The following ROR1 variants were observed in gnomAD, a reference collection of about 807,000 sequenced individuals.
The protein encoded by ROR1 is inactive tyrosine-protein kinase transmembrane receptor ROR1.
In ROR1, 19 loss-of-function variants were observed where a neutral mutation model predicts 78.8. That is an observed-to-expected ratio of 0.24 (90% CI 0.17 to 0.35). ROR1 has a LOEUF of 0.35. Ranked by LOEUF, ROR1 falls within the 10% of genes least tolerant of loss-of-function variation. The probability of loss-of-function intolerance (pLI) is 1.00; values close to 1 mark genes in which losing one functional copy is unlikely to be tolerated. For missense variants in ROR1, 917 were observed against 1,177.8 expected, an observed-to-expected ratio of 0.78 and a Z score of 3.24; for synonymous variants, 386 against 433.6, an observed-to-expected ratio of 0.89 and a Z score of 1.36.
intron 4 of ROR1, among the ~76,000 whole-genome samples, chr1:64,091,111 T>C (rs1365173641): frequency 1.3e-5 from 2 of 152,134 alleles, no homozygotes; most frequent in Non-Finnish European, 1.5e-5. Flanking sequence ...TATCTCTTAA[T>C]CCCCAAACCC....
In ROR1 at chr1:64,016,733, T is replaced by TTTTATATATATATA. The variant is rs1553151714; in HGVS notation, c.163+7358_163+7359insTTATATATATATAT. 2.3e-3 allele frequency among the ~76,000 whole-genome samples: 328 copies of TTTTATATATATATA among 140,604 alleles called. 2 individuals are homozygous for TTTTATATATATATA. The highest frequency in any genetic ancestry group is 7.7e-3 in the Middle Eastern group (2 of 260). 92.2% of individuals were successfully genotyped at this position (140,604 alleles called of 152,430 possible). ...ATGTACCCTAGAACTTAAAATATAA[T>TTTTATATATATATA]TATATATATATATATAAAGATTTTA... On this transcript the variant is annotated intron_variant, in intron 2 of 8. Coordinates refer to ENST00000371079, the MANE Select transcript of ROR1 (RefSeq NM_005012.4).
In ROR1 at chr1:64,181,417, G is replaced by A. The variant is rs1409122079; in HGVS notation, c.*2562G>A. ...AGGCTATTTTATATTAAGGATATAT[G>A]CATTTGTATTTCACACACCAGAGAT... On this transcript the variant is annotated 3_prime_UTR_variant, in exon 9 of 9. Transcript: ENST00000371079. The A allele has an allele frequency of 6.6e-6, 1 of 152,090 alleles. No homozygotes were observed. Among genetic ancestry groups the A allele is most frequent in the Admixed American group, 6.5e-5 (1 of 15,278 alleles). The allele number at this position is 152,090 out of a possible 1,614,324, so 9.4% of individuals were successfully genotyped here. A position where few individuals can be genotyped will look rare whatever the true frequency, so the allele number is the denominator to read the frequency against.
chr1:64,038,866 T>C (rs1038229309), intron 2 of ROR1, among the ~76,000 whole-genome samples: 1 of 152,248 alleles, frequency 6.6e-6, no homozygotes, highest in Non-Finnish European at 1.5e-5. Context: ...GAAAAAGGCA[T>C]GGTCCCATCC....
chr1:63,974,660 T>G (rs1646143866), intron 1 of ROR1, among the ~76,000 whole-genome samples: 1 of 151,834 alleles, frequency 6.6e-6, no homozygotes, highest in South Asian at 2.1e-4. Flanking sequence ...TTTTTAGAGA[T>G]AGGATCTTGC....
intron 1 of ROR1, among the ~76,000 whole-genome samples, chr1:63,898,764 C>T (rs974729528): frequency 2.6e-5 from 4 of 151,866 alleles, no homozygotes; most frequent in Non-Finnish European, 5.9e-5. Context: ...AGTTGTGTGG[C>T]GCCGTACTCA....
chr1:64,008,956 T>C lies in ROR1; in HGVS notation c.92-349T>C, dbSNP rs181012432. Among the ~76,000 whole-genome samples, 629 of 152,332 alleles carry C rather than the reference T, an allele frequency of 4.1e-3. 2 individuals are homozygous for C. The highest frequency in any genetic ancestry group is 0.012 in the African/African-American group (502 of 41,580). On this transcript the variant is annotated intron_variant, in intron 1 of 8. Transcript: ENST00000371079. ...CGTGACTTTTTAATGATAGCCATTC[T>C]GACTAGTATGAGATGGCATCTCATT... is the stretch of plus-strand genomic sequence containing the variant.
At chr1:64,007,301 C>T (rs979815866) in intron 1 of ROR1, among the ~76,000 whole-genome samples, 1 of 151,776 alleles carries the variant, frequency 6.6e-6, no homozygotes, top group East Asian at 1.9e-4. Flanking sequence ...GGATTGACAA[C>T]TTGTATGCCT....
At chr1:64,156,460 G>C (rs1052337455) in intron 7 of ROR1, among the ~76,000 whole-genome samples, 1 of 152,114 alleles carries the variant, frequency 6.6e-6, no homozygotes, top group Non-Finnish European at 1.5e-5. Context: ...TGTAATCCCA[G>C]CACTTTGGGA....
chr1:63,959,679 A>G (rs75752331), intron 1 of ROR1, among the ~76,000 whole-genome samples: 2,068 of 152,286 alleles, frequency 0.014, 46 homozygotes, highest in African/African-American at 0.048. Flanking sequence ...TTTGCTGGGC[A>G]CAGTTAGACA....
rs961323060 is a variant in ROR1, at chr1:63,802,829, C to T, written c.91+28321C>T. ...CAAAACTCCTCTGGACCAGCACTGT[C>T]CAATAAAATTATAATTTGAGCCACA... is the stretch of plus-strand genomic sequence containing the variant. On this transcript the variant is annotated intron_variant, in intron 1 of 8. Coordinates refer to ENST00000371079, the MANE Select transcript of ROR1 (RefSeq NM_005012.4). 8.5e-5 allele frequency among the ~76,000 whole-genome samples: 13 copies of T among 152,242 alleles called. 1 individual carries two copies. Among genetic ancestry groups the T allele is most frequent in the African/African-American group, 3.1e-4 (13 of 41,528 alleles).
At chr1:63,972,288 G>T (rs75309061) in intron 1 of ROR1, among the ~76,000 whole-genome samples, 1,644 of 152,092 alleles carry the variant, frequency 0.011, 38 homozygotes, top group African/African-American at 0.037. Context: ...TCACTTTTCC[G>T]ATGAGGAACC....
chr1:63,842,240 C>T (rs1006417742), intron 1 of ROR1, among the ~76,000 whole-genome samples: 1 of 143,842 alleles, frequency 7.0e-6, no homozygotes, highest in Non-Finnish European at 1.5e-5. Context: ...CTTTATCTTA[C>T]TTGCAAATGA....
At chr1:64,052,667 T>C (rs1184575232) in intron 4 of ROR1, among the ~76,000 whole-genome samples, 1 of 152,226 alleles carries the variant, frequency 6.6e-6, no homozygotes, top group East Asian at 1.9e-4. Context: ...CACGCATCTC[T>C]GTTTTATATT....
At chr1:63,980,387 C>CA (rs1646200863) in intron 1 of ROR1, among the ~76,000 whole-genome samples, 1 of 151,950 alleles carries the variant, frequency 6.6e-6, no homozygotes, top group African/African-American at 2.4e-5. Context: ...ATATTTGATC[C>CA]ACACAATACA....
At chr1:64,024,217 A>G (rs947300413) in intron 2 of ROR1, among the ~76,000 whole-genome samples, 1 of 152,324 alleles carries the variant, frequency 6.6e-6, no homozygotes, top group African/African-American at 2.4e-5. Context: ...GCAGTGGCTC[A>G]TGCCTGTAAT....
intron 1 of ROR1, among the ~76,000 whole-genome samples, chr1:63,834,397 A>G (rs1645007527): frequency 6.6e-6 from 1 of 150,802 alleles, no homozygotes; most frequent in African/African-American, 2.4e-5. Flanking sequence ...AGTTGATGTT[A>G]CTGTTAAAAA....
At chr1:63,911,379 C>T (rs899523219) in intron 1 of ROR1, among the ~76,000 whole-genome samples, 18 of 152,174 alleles carry the variant, frequency 1.2e-4, no homozygotes, top group East Asian at 7.7e-4. Flanking sequence ...AGTTAGGAGC[C>T]GAGCCTCACA....
chr1:63,925,008 ATTTTTTAT>A (rs2100435074), intron 1 of ROR1, among the ~76,000 whole-genome samples: 1 of 70,418 alleles, frequency 1.4e-5, no homozygotes, highest in Non-Finnish European at 3.1e-5. Flanking sequence ...TTTATTTTTT[ATTTTTTAT>A]TTTTTTATTA....
At chr1:63,964,739 A>T (rs1646059629) in intron 1 of ROR1, among the ~76,000 whole-genome samples, 1 of 152,206 alleles carries the variant, frequency 6.6e-6, no homozygotes, top group Non-Finnish European at 1.5e-5. Context: ...ATGGCACACC[A>T]TGTGCTGATA....
Sources: gnomAD v4.1 joint callset for allele counts (sites outside exome capture counted in the v4.1 genomes callset) on GRCh38, gnomAD v4.1.1 for gene constraint, MANE v1.5 for transcripts, NCBI Gene and HGNC (gene_info 2026-07-23, HGNC 2026-07-21) for gene names.